SH3BGRL2: variants seen among roughly 807,000 people sequenced by gnomAD.
SH3BGRL2 encodes the protein SH3 domain-binding glutamic acid-rich-like protein 2.
In SH3BGRL2, 21 loss-of-function variants were observed where a neutral mutation model predicts 14.8. The observed-to-expected ratio is 1.42, with a 90% CI of 1.01 to 2.05. The LOEUF is 2.05. Ranked by LOEUF, SH3BGRL2 falls within the 30% of genes most tolerant of loss-of-function variation. The pLI, the probability that SH3BGRL2 is intolerant of heterozygous loss-of-function variation, is 0.00. For synonymous variants in SH3BGRL2, 50 were observed against 47.8 expected (o/e 1.05, Z -0.19); for missense variants, 147 against 130.8 (o/e 1.12, Z -0.61).
At chr6:79,639,796 G>T (rs780762198) in intron 1 of SH3BGRL2, among the ~76,000 whole-genome samples, 2 of 152,160 alleles carry the variant, frequency 1.3e-5, no homozygotes, top group African/African-American at 2.4e-5. Flanking sequence ...TATTATTTTA[G>T]CTGGAGAGTT....
upstream of SH3BGRL2, among the ~76,000 whole-genome samples, chr6:79,629,552 G>A (rs1768785820): frequency 6.6e-6 from 1 of 152,150 alleles, no homozygotes; most frequent in Non-Finnish European, 1.5e-5. Flanking sequence ...TACTTTTTCA[G>A]CATTGTCCTC....
In SH3BGRL2 at chr6:79,699,828, T is replaced by C; in HGVS notation, c.*319T>C. 1 of 352,552 alleles carries C rather than the reference T, an allele frequency of 2.8e-6. No individual in the cohort carries two copies. The highest frequency in any genetic ancestry group is 5.0e-6 in the Non-Finnish European group (1 of 198,570). 21.8% of individuals were successfully genotyped at this position (352,552 alleles called of 1,614,324 possible). On this transcript the variant is annotated 3_prime_UTR_variant, in exon 4 of 4. Coordinates refer to ENST00000369838, the MANE Select transcript of SH3BGRL2 (RefSeq NM_031469.4). ...GTGGGTAGCACCGTCAGAGAGAAAA[T>C]GTTGGATCTGCCCTAGGTTATAGTA...
chr6:79,546,796 C>T, the SH3BGRL2 span, among the ~76,000 whole-genome samples: 1 of 151,856 alleles, frequency 6.6e-6, no homozygotes, highest in East Asian at 1.9e-4. Context: ...TTCACTGCCT[C>T]AGCCTCCCAA....
intron 1 of SH3BGRL2, among the ~76,000 whole-genome samples, chr6:79,656,348 C>T (rs1196640414): frequency 6.6e-6 from 1 of 152,172 alleles, no homozygotes; most frequent in African/African-American, 2.4e-5. Flanking sequence ...GTGGTGCCAT[C>T]GCTAAGATCT....
At chr6:79,695,980 C>T (rs925269563) in intron 2 of SH3BGRL2, among the ~76,000 whole-genome samples, 2 of 152,098 alleles carry the variant, frequency 1.3e-5, no homozygotes, top group East Asian at 1.9e-4. Context: ...TTTTTATTCC[C>T]TCTAAGGAGA....
chr6:79,618,914 CA>C, the SH3BGRL2 span, among the ~76,000 whole-genome samples: 95 of 76,238 alleles, frequency 1.2e-3, 6 homozygotes, highest in African/African-American at 2.1e-3. Context: ...GAGACTCTGT[CA>C]AAAAAAAAAA....
intron 1 of SH3BGRL2, among the ~76,000 whole-genome samples, chr6:79,644,601 A>G (rs1456216328): frequency 6.6e-6 from 1 of 152,186 alleles, no homozygotes; most frequent in Non-Finnish European, 1.5e-5. Context: ...AGTAGAAAGA[A>G]TGTAGACTCC....
Position 79,700,107 on chromosome 6 carries a change from C to G in SH3BGRL2, c.*598C>G. 1 of 152,214 alleles carries G rather than the reference C, an allele frequency of 6.6e-6. No individual in the cohort carries two copies. The highest frequency in any genetic ancestry group is 1.9e-4 in the East Asian group (1 of 5,202). 9.4% of individuals were successfully genotyped at this position (152,214 alleles called of 1,614,324 possible). ...GGAAACTCTTACCTCCACATATTATCCTACAGATGTTTCCAGAAATCCCTG... is the reference window on the plus strand; with the variant it reads ...GGAAACTCTTACCTCCACATATTATGCTACAGATGTTTCCAGAAATCCCTG... On this transcript the variant is annotated 3_prime_UTR_variant, in exon 4 of 4. Coordinates refer to ENST00000369838, the MANE Select transcript of SH3BGRL2 (RefSeq NM_031469.4).
chr6:79,596,327 T>TA, the SH3BGRL2 span, among the ~76,000 whole-genome samples: 2 of 149,444 alleles, frequency 1.3e-5, no homozygotes, highest in Admixed American at 6.7e-5. Context: ...GCTGATTTGT[T>TA]AAAAAATTTT....
chr6:79,678,663 C>A (rs1769930905), intron 2 of SH3BGRL2, among the ~76,000 whole-genome samples: 1 of 152,018 alleles, frequency 6.6e-6, no homozygotes, highest in Non-Finnish European at 1.5e-5. Context: ...TTTTATATTT[C>A]TTTTATTTTA....
intron 2 of SH3BGRL2, among the ~76,000 whole-genome samples, chr6:79,685,957 A>G (rs1254907353): frequency 6.6e-6 from 1 of 152,184 alleles, no homozygotes; most frequent in East Asian, 1.9e-4. Flanking sequence ...TTGTTAACAT[A>G]GTGTGCCTAC....
At chr6:79,593,119 G>A in the SH3BGRL2 span, among the ~76,000 whole-genome samples, 67 of 152,244 alleles carry the variant, frequency 4.4e-4, no homozygotes, top group Middle Eastern at 3.4e-3. Context: ...TGGTAAATCT[G>A]TATTATCATG....
chr6:79,642,347 G>A (rs1769049637), intron 1 of SH3BGRL2, among the ~76,000 whole-genome samples: 1 of 152,128 alleles, frequency 6.6e-6, no homozygotes, highest in East Asian at 1.9e-4. Flanking sequence ...AATACTATAC[G>A]ACTTGATATA....
the SH3BGRL2 span, among the ~76,000 whole-genome samples, chr6:79,596,647 T>G: frequency 6.6e-6 from 1 of 152,134 alleles, no homozygotes; most frequent in Admixed American, 6.5e-5. Context: ...GAAAAGACAT[T>G]CTGTGTTCAC....
chr6:79,660,683 T>C (rs9341786), intron 1 of SH3BGRL2, among the ~76,000 whole-genome samples: 14,968 of 152,232 alleles, frequency 0.098, 1,058 homozygotes, highest in East Asian at 0.32. Flanking sequence ...TCCGTCTTTT[T>C]GTATTGATTG....
chr6:79,602,201 C>T, the SH3BGRL2 span, among the ~76,000 whole-genome samples: 1 of 152,130 alleles, frequency 6.6e-6, no homozygotes, highest in African/African-American at 2.4e-5. Context: ...CAATGTTAAA[C>T]ATTTCAAAAA....
At chr6:79,620,060 C>T in the SH3BGRL2 span, among the ~76,000 whole-genome samples, 2 of 152,070 alleles carry the variant, frequency 1.3e-5, no homozygotes, top group South Asian at 4.2e-4. Context: ...CCTTGCTCAT[C>T]TCCAAAGGTC....
At chr6:79,587,835 A>G in the SH3BGRL2 span, among the ~76,000 whole-genome samples, 2 of 152,362 alleles carry the variant, frequency 1.3e-5, no homozygotes, top group East Asian at 1.9e-4. Flanking sequence ...CCTATATGCA[A>G]TTTTAACAAA....
chr6:79,595,328 C>T, the SH3BGRL2 span, among the ~76,000 whole-genome samples: 1 of 151,676 alleles, frequency 6.6e-6, no homozygotes, highest in South Asian at 2.1e-4. Flanking sequence ...CGGGAGATGT[C>T]ATTAAAAGAG....
Sources: gnomAD v4.1 joint callset for allele counts (sites outside exome capture counted in the v4.1 genomes callset) on GRCh38, gnomAD v4.1.1 for gene constraint, MANE v1.5 for transcripts, NCBI Gene and HGNC (gene_info 2026-07-23, HGNC 2026-07-21) for gene names.